The following GABRB1 variants were observed in gnomAD, a reference collection of about 807,000 sequenced individuals.
GABRB1 encodes the protein gamma-aminobutyric acid type A receptor subunit beta1, also known as gamma-aminobutyric acid receptor subunit beta-1.
A neutral mutation model predicts 51.6 loss-of-function variants in GABRB1; 17 were observed. That is an observed-to-expected ratio of 0.33 (90% CI 0.23 to 0.49). The LOEUF is 0.49. Ranked by LOEUF, GABRB1 falls within the 20% of genes least tolerant of loss-of-function variation. The probability of loss-of-function intolerance (pLI) is 0.99; values close to 1 mark genes in which losing one functional copy is unlikely to be tolerated. For synonymous variants in GABRB1, 247 were observed against 218.9 expected (o/e 1.13, Z -1.14); for missense variants, 410 against 600.6 (o/e 0.68, Z 3.32).
intron 4 of GABRB1, among the ~76,000 whole-genome samples, chr4:47,197,367 A>ACTC: frequency 6.6e-6 from 1 of 151,962 alleles, no homozygotes; most frequent in East Asian, 1.9e-4. Flanking sequence ...GATCCCTCCC[A>ACTC]CTCTGCCCCC....
chr4:47,217,241 A>G lies in GABRB1; in HGVS notation c.461+55772A>G, dbSNP rs185563485. Among the ~76,000 whole-genome samples, 113 of 151,968 alleles carry G rather than the reference A, an allele frequency of 7.4e-4. 1 individual carries two copies. The highest frequency in any genetic ancestry group is 2.3e-3 in the African/African-American group (94 of 41,548). On this transcript the variant is annotated intron_variant, in intron 4 of 8. Coordinates refer to ENST00000295454, the MANE Select transcript of GABRB1 (RefSeq NM_000812.4). ...TGATCTAGGTAGGCAGGGACTTTCAACTGTATCTATAGTATTAAATACCTA... is the reference window on the plus strand; with the variant it reads ...TGATCTAGGTAGGCAGGGACTTTCAGCTGTATCTATAGTATTAAATACCTA...
intron 4 of GABRB1, among the ~76,000 whole-genome samples, chr4:47,277,157 A>G (rs10031952): frequency 0.055 from 8,365 of 152,224 alleles, 324 homozygotes; most frequent in African/African-American, 0.11. Flanking sequence ...CCAATAAAAC[A>G]TCAATGGAGT....
upstream of GABRB1, among the ~76,000 whole-genome samples, chr4:47,030,018 A>C (rs1174254535): frequency 6.6e-6 from 1 of 151,476 alleles, no homozygotes; most frequent in Admixed American, 6.6e-5. Context: ...TTACCCCCTC[A>C]TTCTTCTATT....
At position 47,425,840 on chromosome 4, in the gene GABRB1, G is replaced by C; in HGVS notation, c.1247G>C (p.Arg416Pro). Reference protein sequence around the residue: ...KPLSSREAYGRALDRHGVPSK... With the variant: ...KPLSSREAYGPALDRHGVPSK... ...CTGAGCAGCCGCGAGGCCTACGGGC[G>C]CGCCCTGGACCGGCACGGGGTACCC... is the stretch of plus-strand genomic sequence containing the variant. The change falls in exon 9 of 9, where the codon CGC (arginine) becomes CCC (proline). Residue 416 changes from arginine (R) to proline (P), a missense_variant. Physicochemically the swap from Arg to Pro is moderately radical, Grantham distance 103. This residue lies in a region of GABRB1 where 181 missense variants were observed against 195.6 expected (regional missense o/e 0.93). Transcript: ENST00000295454. The C allele has an allele frequency of 6.2e-7, 1 of 1,614,036 alleles. No homozygotes were observed. Among genetic ancestry groups the C allele is most frequent in the Non-Finnish European group, 8.5e-7 (1 of 1,179,998 alleles).
At chr4:47,334,630 T>G (rs1261272712) in intron 5 of GABRB1, among the ~76,000 whole-genome samples, 3 of 152,184 alleles carry the variant, frequency 2.0e-5, no homozygotes, top group Non-Finnish European at 2.9e-5. Flanking sequence ...ACACTCTATT[T>G]GATTTTATTT....
chr4:47,171,047 G>A (rs1055358961), intron 4 of GABRB1, among the ~76,000 whole-genome samples: 2 of 152,150 alleles, frequency 1.3e-5, no homozygotes, highest in Non-Finnish European at 2.9e-5. Context: ...ATATGGCATT[G>A]TAACCAAGTA....
intron 5 of GABRB1, among the ~76,000 whole-genome samples, chr4:47,355,115 A>G (rs1421127908): frequency 6.7e-6 from 1 of 148,214 alleles, no homozygotes; most frequent in Non-Finnish European, 1.5e-5. Context: ...CCTCCCAAGT[A>G]GCTGGGGCTA....
At chr4:47,251,574 G>A (rs1240879654) in intron 4 of GABRB1, among the ~76,000 whole-genome samples, 1 of 152,140 alleles carries the variant, frequency 6.6e-6, no homozygotes, top group Non-Finnish European at 1.5e-5. Context: ...GGTGTGGTCA[G>A]AGCTAGGCAT....
intron 3 of GABRB1, among the ~76,000 whole-genome samples, chr4:47,042,014 A>G (rs1443855609): frequency 1.3e-5 from 2 of 152,042 alleles, no homozygotes; most frequent in African/African-American, 2.4e-5. Flanking sequence ...AAGACCCAAT[A>G]TAATTTAGGA....
intron 5 of GABRB1, among the ~76,000 whole-genome samples, chr4:47,350,506 A>T (rs962973271): frequency 6.6e-5 from 10 of 151,884 alleles, no homozygotes; most frequent in African/African-American, 1.9e-4. Flanking sequence ...TTCATCTATA[A>T]AATAGGGACA....
chr4:47,103,511 C>T (rs1253574851), intron 3 of GABRB1, among the ~76,000 whole-genome samples: 1 of 151,884 alleles, frequency 6.6e-6, no homozygotes, highest in East Asian at 1.9e-4. Context: ...TTATGCTATT[C>T]TATTTAACTA....
chr4:47,278,439 G>A (rs1421329711), intron 4 of GABRB1, among the ~76,000 whole-genome samples: 2 of 152,112 alleles, frequency 1.3e-5, no homozygotes, highest in African/African-American at 4.8e-5. Flanking sequence ...TGCAGGAGGT[G>A]TATAAGAAAT....
chr4:47,296,634 A>G (rs148113270), intron 4 of GABRB1, among the ~76,000 whole-genome samples: 9,774 of 152,228 alleles, frequency 0.064, 500 homozygotes, highest in East Asian at 0.28. Context: ...GTACAAAGAG[A>G]CTTAGACTCC....
chr4:47,163,848 T>G (rs1718062619), intron 4 of GABRB1, among the ~76,000 whole-genome samples: 2 of 152,162 alleles, frequency 1.3e-5, no homozygotes, highest in South Asian at 4.1e-4. Flanking sequence ...AAACTGTTCC[T>G]AAATTTCCTA....
intron 4 of GABRB1, among the ~76,000 whole-genome samples, chr4:47,278,558 C>A (rs1489803985): frequency 1.3e-5 from 2 of 152,094 alleles, no homozygotes; most frequent in African/African-American, 4.8e-5. Context: ...CCAATAGGAA[C>A]AATGACAGCA....
chr4:47,045,813 G>A (rs2109497282), intron 3 of GABRB1, among the ~76,000 whole-genome samples: 1 of 152,006 alleles, frequency 6.6e-6, no homozygotes, highest in East Asian at 1.9e-4. Flanking sequence ...CTTTTGTGGG[G>A]AACACACATT....
At chr4:47,072,761 G>C (rs1033628218) in intron 3 of GABRB1, among the ~76,000 whole-genome samples, 17 of 152,140 alleles carry the variant, frequency 1.1e-4, no homozygotes, top group African/African-American at 3.6e-4. Flanking sequence ...GCTAAATTCT[G>C]TTTTGAGTTG....
At chr4:47,052,209 G>A (rs1449970427) in intron 3 of GABRB1, among the ~76,000 whole-genome samples, 1 of 152,172 alleles carries the variant, frequency 6.6e-6, no homozygotes, top group Non-Finnish European at 1.5e-5. Flanking sequence ...AATTGCTGAA[G>A]AAACTTGAGT....
chr4:47,364,455 T>C (rs1189399362), intron 5 of GABRB1, among the ~76,000 whole-genome samples: 3 of 151,716 alleles, frequency 2.0e-5, no homozygotes, highest in Non-Finnish European at 4.4e-5. Flanking sequence ...ATTAAAATGA[T>C]AAAGACAGAG....
Sources: gnomAD v4.1 joint callset for allele counts (sites outside exome capture counted in the v4.1 genomes callset) on GRCh38, gnomAD v4.1.1 for gene constraint, gnomAD v4.1.1 regional missense constraint, MANE v1.5 for transcripts, NCBI Gene and HGNC (gene_info 2026-07-23, HGNC 2026-07-21) for gene names.